The following ERCC6L2 variants were observed in gnomAD, a reference collection of about 807,000 sequenced individuals.
The protein encoded by ERCC6L2 is ERCC excision repair 6 like 2.
In ERCC6L2, 77 loss-of-function variants were observed where a neutral mutation model predicts 132.0. The ratio of observed to expected loss-of-function variants is 0.58; its 90% CI spans 0.49 to 0.71. ERCC6L2 has a LOEUF of 0.71. ERCC6L2 is among the 30% of genes least tolerant of loss of function. The pLI is 0.00. For synonymous variants in ERCC6L2, 583 were observed against 632.4 expected, an observed-to-expected ratio of 0.92 and a Z score of 1.17; for missense variants, 1,542 against 1,837.6, an observed-to-expected ratio of 0.84 and a Z score of 2.94.
chr9:95,962,039 T>C (rs377485596), intron 13 of ERCC6L2, among the ~76,000 whole-genome samples: 7 of 152,006 alleles, frequency 4.6e-5, no homozygotes, highest in East Asian at 3.9e-4. Flanking sequence ...CAATTCAAGA[T>C]GAGATTTGGG....
intron 6 of ERCC6L2, among the ~76,000 whole-genome samples, chr9:95,919,210 A>G (rs1247726422): frequency 2.0e-5 from 3 of 150,718 alleles, no homozygotes; most frequent in South Asian, 4.2e-4. Context: ...GCATTTAGGG[A>G]AAAAAAAAAT....
At chr9:95,962,842 T>G (rs1831974147) in intron 13 of ERCC6L2, among the ~76,000 whole-genome samples, 1 of 152,124 alleles carries the variant, frequency 6.6e-6, no homozygotes, top group South Asian at 2.1e-4. Flanking sequence ...TTACAATGGG[T>G]TTATCTAGAT....
chr9:95,948,734 TG>T (rs1159869980), intron 12 of ERCC6L2, among the ~76,000 whole-genome samples: 1 of 148,036 alleles, frequency 6.8e-6, no homozygotes, highest in Non-Finnish European at 1.5e-5. Context: ...TGCAAAGACT[TG>T]GGGAGTTGGC....
At chr9:95,974,892 C>G (rs147809525) in intron 16 of ERCC6L2, among the ~76,000 whole-genome samples, 1 of 152,110 alleles carries the variant, frequency 6.6e-6, no homozygotes, top group African/African-American at 2.4e-5. Flanking sequence ...GAGTATAGAG[C>G]TCTTATTTAG....
chr9:95,921,725 GA>G (rs937419575), intron 7 of ERCC6L2, among the ~76,000 whole-genome samples: 4 of 152,106 alleles, frequency 2.6e-5, no homozygotes, highest in Non-Finnish European at 5.9e-5. Flanking sequence ...GAGTATCAAA[GA>G]AAGTGTTTTT....
intron 6 of ERCC6L2, 73 bp downstream of exon 6, chr9:95,916,507 C>G: frequency 8.0e-7 from 1 of 1,244,168 alleles, no homozygotes; most frequent in Non-Finnish European, 1.1e-6. Context: ...AAAAGTCTGT[C>G]TCCTGTGGCA....
rs185049907 is a variant in ERCC6L2, at chr9:96,001,263, G to T, written c.3493-3257G>T. On this transcript the variant is annotated intron_variant, in intron 17 of 18. Transcript: ENST00000653738. ...CACAGTGTGGAAGGGGACCCGAGCG[G>T]GTTGCCAATGCTGGCTCGGGCAGCC... Among the ~76,000 whole-genome samples, 761 of 152,314 alleles carry T rather than the reference G, an allele frequency of 5.0e-3. 31 individuals carry two copies. The highest frequency in any genetic ancestry group is 0.046 in the Admixed American group (702 of 15,304).
intron 17 of ERCC6L2, among the ~76,000 whole-genome samples, chr9:95,984,620 T>C (rs1435862595): frequency 6.6e-6 from 1 of 152,154 alleles, no homozygotes; most frequent in Admixed American, 6.5e-5. Context: ...CTTTCAAATT[T>C]TTTATTATGA....
chr9:96,035,668 T>C (rs1804398925), intron 19 of ERCC6L2, among the ~76,000 whole-genome samples: 1 of 152,210 alleles, frequency 6.6e-6, no homozygotes, highest in African/African-American at 2.4e-5. Context: ...TAACACTCAA[T>C]AAACTCCTTT....
At chr9:95,957,968 C>T (rs1831697065) in intron 13 of ERCC6L2, among the ~76,000 whole-genome samples, 1 of 151,056 alleles carries the variant, frequency 6.6e-6, no homozygotes, top group African/African-American at 2.4e-5. Flanking sequence ...TGTTGGTGTG[C>T]TGCACCCATT....
At chr9:95,886,781 A>T (rs1047802566) in intron 2 of ERCC6L2, among the ~76,000 whole-genome samples, 4 of 152,194 alleles carry the variant, frequency 2.6e-5, no homozygotes, top group African/African-American at 9.6e-5. Context: ...ATGCCAAAAG[A>T]GATTAATATT....
At chr9:95,941,244 T>C (rs567348389) in intron 11 of ERCC6L2, among the ~76,000 whole-genome samples, 1 of 152,140 alleles carries the variant, frequency 6.6e-6, no homozygotes, top group Admixed American at 6.6e-5. Flanking sequence ...TAATGACCAG[T>C]TTTTTAGGGA....
intron 11 of ERCC6L2, among the ~76,000 whole-genome samples, chr9:95,940,232 G>A (rs1006114274): frequency 6.6e-6 from 1 of 152,120 alleles, no homozygotes; most frequent in African/African-American, 2.4e-5. Context: ...GCTGCAGATT[G>A]TTCCTTGGTG....
intron 13 of ERCC6L2, among the ~76,000 whole-genome samples, chr9:95,963,680 A>G (rs1461178740): frequency 1.3e-5 from 2 of 151,958 alleles, no homozygotes; most frequent in East Asian, 1.9e-4. Context: ...GGCTCCATTT[A>G]CTTGTGTCTC....
At chr9:95,998,506 A>G (rs1833547132) in intron 17 of ERCC6L2, among the ~76,000 whole-genome samples, 1 of 152,242 alleles carries the variant, frequency 6.6e-6, no homozygotes, top group Non-Finnish European at 1.5e-5. Context: ...GATAGGCCCA[A>G]TCTAATCACA....
Position 96,004,539 on chromosome 9 carries a change from A to C in ERCC6L2, c.3512A>C (p.Asp1171Ala). ...CSSKTYKEKV[D>A]ADTLPHTKKG... ...TTTCAGACATATAAAGAAAAAGTGG[A>C]TGCAGATACATTGCCACACACAAAG... The change falls in exon 18 of 19, where the codon GAT becomes GCT. Residue 1171 changes from aspartate to alanine, a missense_variant. Asp to Ala is a moderately radical substitution (Grantham distance 126, BLOSUM62 -2). Around this residue, in one of 4 missense-constraint regions of ERCC6L2, gnomAD observed 442 missense variants for 583.4 expected, o/e 0.76. Transcript: ENST00000653738. 1 of 1,305,944 alleles carries C rather than the reference A, an allele frequency of 7.7e-7. No individual in the cohort carries two copies. The highest frequency in any genetic ancestry group is 1.0e-6 in the Non-Finnish European group (1 of 989,248). 80.9% of individuals were successfully genotyped at this position (1,305,944 alleles called of 1,614,324 possible). A position where few individuals can be genotyped will look rare whatever the true frequency, so the allele number is the denominator to read the frequency against.
intron 17 of ERCC6L2, among the ~76,000 whole-genome samples, chr9:95,984,801 C>T (rs1398557071): frequency 6.6e-6 from 1 of 152,134 alleles, no homozygotes; most frequent in East Asian, 1.9e-4. Flanking sequence ...ATGAACCCCA[C>T]CTTTATGTTC....
chr9:96,007,786 A>G (rs1833908148), intron 18 of ERCC6L2, among the ~76,000 whole-genome samples: 1 of 152,070 alleles, frequency 6.6e-6, no homozygotes, highest in East Asian at 1.9e-4. Context: ...AGGAGATGAG[A>G]GGCCAGTGGT....
chr9:95,886,025 G>T (rs1480267015), intron 2 of ERCC6L2, among the ~76,000 whole-genome samples: 2 of 151,886 alleles, frequency 1.3e-5, no homozygotes, highest in East Asian at 3.9e-4. Context: ...TTCTCTTTTT[G>T]TTTTTTTGAG....
Sources: allele counts gnomAD v4.1 joint callset (sites outside exome capture counted in the v4.1 genomes callset), GRCh38; gene constraint gnomAD v4.1.1; regional missense constraint gnomAD v4.1.1; transcripts MANE v1.5; gene names NCBI Gene and HGNC (gene_info 2026-07-23, HGNC 2026-07-21).